The following LSP1 variants were observed in gnomAD, a reference collection of about 807,000 sequenced individuals.
LSP1 encodes the protein lymphocyte specific protein 1, also known as lymphocyte-specific protein 1.
In LSP1, 32 loss-of-function variants were observed where a neutral mutation model predicts 49.3. That is an observed-to-expected ratio of 0.65 (90% CI 0.49 to 0.87). LSP1 has a LOEUF of 0.87. LSP1 is among the 40% of genes least tolerant of loss of function. LSP1 has a pLI of 0.00. For missense variants in LSP1, 428 were observed against 442.6 expected (o/e 0.97, Z 0.30); for synonymous variants, 179 against 178.8 (o/e 1.00, Z -0.01).
intron 1 of LSP1, chr11:1,871,319 G>C (rs1297844950): frequency 1.0e-6 from 1 of 986,104 alleles, no homozygotes; most frequent in Non-Finnish European, 1.2e-6. Flanking sequence ...GACCCAGGCT[G>C]GTCGCCGCAG....
At chr11:1,868,069 G>A (rs556229874) in intron 1 of LSP1, among the ~76,000 whole-genome samples, 19 of 152,336 alleles carry the variant, frequency 1.2e-4, no homozygotes, top group African/African-American at 4.1e-4. Context: ...TGGGCAACTC[G>A]GGGCTCTCCC....
chr11:1,864,294 CAG>C, intron 1 of LSP1: 1 of 974,914 alleles, frequency 1.0e-6, no homozygotes, highest in South Asian at 4.6e-5. Context: ...AGGAGAAGAA[CAG>C]AGGAGGGCCC....
At position 1,880,209 on chromosome 11, in the gene LSP1, C is replaced by T. The variant is rs372030914; in HGVS notation, c.176C>T (p.Pro59Leu). The T allele has an allele frequency of 4.6e-5, 73 of 1,596,966 alleles. No homozygotes were observed. In the African/African-American group the frequency reaches 7.1e-4, roughly 16 times the overall value. ...GGAGGCGGCCATGTCCCCGAGCGGC[C>T]GAAGCAGGAGATGCTGTGAGCAGCC... ...EEGGGHVPERPKQEMLLSLKP... is the reference protein window; with the variant it reads ...EEGGGHVPERLKQEMLLSLKP... Residue 59 changes from proline (P) to leucine (L), a missense_variant, in exon 2 of 11, where the codon CCG becomes CTG. Coordinates refer to ENST00000311604, the MANE Select transcript of LSP1 (RefSeq NM_002339.3).
chr11:1,861,783 G>C (rs917170155), intron 1 of LSP1, among the ~76,000 whole-genome samples: 1 of 136,016 alleles, frequency 7.4e-6, no homozygotes, highest in Non-Finnish European at 1.6e-5. Flanking sequence ...GGATGGATGG[G>C]TGGATGGATA....
intron 1 of LSP1, chr11:1,868,963 C>T (rs1162216986): frequency 1.0e-6 from 1 of 986,042 alleles, no homozygotes; most frequent in African/African-American, 1.7e-5. Context: ...GACTGAGCAT[C>T]CGGCTCAGAG....
intron 10 of LSP1, chr11:1,888,891 C>A: frequency 2.4e-6 from 1 of 424,752 alleles, no homozygotes; most frequent in South Asian, 6.0e-5. Flanking sequence ...CGACGCAGAC[C>A]CCTTCTCTGT....
intron 1 of LSP1, chr11:1,876,550 G>T: frequency 5.1e-6 from 5 of 985,588 alleles, no homozygotes; most frequent in Non-Finnish European, 6.0e-6. Flanking sequence ...GGACAGCCGG[G>T]TGGGGCAGCC....
At chr11:1,879,526 C>G (rs181113482) in intron 1 of LSP1, among the ~76,000 whole-genome samples, 243 of 152,318 alleles carry the variant, frequency 1.6e-3, no homozygotes, top group Middle Eastern at 6.8e-3. Flanking sequence ...AGGAGGTGTC[C>G]TGCCTGGACG....
intron 7 of LSP1, among the ~76,000 whole-genome samples, chr11:1,885,827 T>C (rs1848728400): frequency 6.6e-6 from 1 of 151,826 alleles, no homozygotes; most frequent in East Asian, 1.9e-4. Context: ...ATCCATACTT[T>C]ACTCCTTCAC....
At chr11:1,864,509 C>T (rs527420425) in intron 1 of LSP1, among the ~76,000 whole-genome samples, 2 of 151,944 alleles carry the variant, frequency 1.3e-5, no homozygotes, top group Non-Finnish European at 2.9e-5. Flanking sequence ...GAGGCAGCCA[C>T]GCTGCCCATC....
Position 1,853,085 on chromosome 11 carries a change from C to G in LSP1, c.-60C>G. 1 of 1,557,984 alleles carries G rather than the reference C, an allele frequency of 6.4e-7. No individual in the cohort carries two copies. The highest frequency in any genetic ancestry group is 8.7e-7 in the Non-Finnish European group (1 of 1,144,344). ...CCGCCCCAGAAAGCACTGAAAGCCA[C>G]AGCACGTACACCCACTCCAGGGATC... is the stretch of plus-strand genomic sequence containing the variant. On this transcript the variant is annotated 5_prime_UTR_variant, in exon 1 of 11. Coordinates refer to ENST00000311604, the MANE Select transcript of LSP1 (RefSeq NM_002339.3).
At chr11:1,878,168 G>C (rs1187378045) in intron 1 of LSP1, among the ~76,000 whole-genome samples, 1 of 152,116 alleles carries the variant, frequency 6.6e-6, no homozygotes, top group African/African-American at 2.4e-5. Flanking sequence ...TGGGAACACG[G>C]GGAGCAATAT....
intron 1 of LSP1, among the ~76,000 whole-genome samples, chr11:1,871,926 G>T (rs1305014740): frequency 6.7e-6 from 1 of 150,350 alleles, no homozygotes; most frequent in Non-Finnish European, 1.5e-5. Flanking sequence ...TTTTGGGAGG[G>T]GGGGTGTGTG....
At chr11:1,858,367 T>A (rs1176473253) in intron 1 of LSP1, among the ~76,000 whole-genome samples, 3 of 152,192 alleles carry the variant, frequency 2.0e-5, no homozygotes, top group Non-Finnish European at 4.4e-5. Context: ...GCACTGCTCA[T>A]GGCCCAAGCT....
intron 1 of LSP1, among the ~76,000 whole-genome samples, chr11:1,865,593 G>A (rs1365157669): frequency 7.8e-5 from 10 of 128,806 alleles, no homozygotes; most frequent in Admixed American, 4.2e-4. Context: ...CACCTGCACC[G>A]CCGGCTGCAC....
At chr11:1,861,336 C>T (rs1052818468) in intron 1 of LSP1, among the ~76,000 whole-genome samples, 8 of 152,084 alleles carry the variant, frequency 5.3e-5, no homozygotes, top group African/African-American at 1.9e-4. Flanking sequence ...GTGTTTGTTC[C>T]CACACTTGAA....
chr11:1,880,114 C>T lies in LSP1; in HGVS notation c.81C>T (p.Asp27=), dbSNP rs200764037. 1.6e-5 allele frequency: 25 copies of T among 1,609,350 alleles called. No homozygotes were observed. Among genetic ancestry groups the T allele is most frequent in the African/African-American group, 5.4e-5 (4 of 74,742 alleles). Residue 27 remains aspartate, a synonymous_variant, in exon 2 of 11, where the codon GAC becomes GAT. Transcript: ENST00000311604. ...CCACTGCTCAGTGGAGCGTGGAGGA[C>T]GAGGAGGAGGCCGTCCACGAGCAAT... ...LGPTAQWSVE[D]EEEAVHEQCQ...
chr11:1,855,013 C>T (rs1244353837), intron 1 of LSP1, among the ~76,000 whole-genome samples: 1 of 149,738 alleles, frequency 6.7e-6, no homozygotes, highest in African/African-American at 2.4e-5. Context: ...CCTGGGAGGC[C>T]AGGGCTGCAC....
rs1357448958 is a variant in LSP1, at chr11:1,881,497, A to G, written c.257A>G (p.Gln86Arg). ...GACGAGGGCTTTGGCGACTGGTCCCAGAGGCCAGAGCAGCGGCAGCAGCAC... is the reference window on the plus strand; with the variant it reads ...GACGAGGGCTTTGGCGACTGGTCCCGGAGGCCAGAGCAGCGGCAGCAGCAC... Reference protein sequence around the residue: ...DEDEGFGDWSQRPEQRQQHEG... With the variant: ...DEDEGFGDWSRRPEQRQQHEG... Residue 86 changes from glutamine to arginine, a missense_variant, in exon 3 of 11, where the codon CAG becomes CGG. Transcript: ENST00000311604. 3 of 1,575,724 alleles carry G rather than the reference A, an allele frequency of 1.9e-6. No individual in the cohort carries two copies. In the East Asian group the frequency reaches 6.9e-5, roughly 36 times the overall value.
Sources: gnomAD v4.1 joint callset for allele counts (sites outside exome capture counted in the v4.1 genomes callset) on GRCh38, gnomAD v4.1.1 for gene constraint, MANE v1.5 for transcripts, NCBI Gene and HGNC (gene_info 2026-07-23, HGNC 2026-07-21) for gene names.